The following NYNRIN variants were observed in gnomAD, a reference collection of about 807,000 sequenced individuals.
The protein encoded by NYNRIN is NYN domain and retroviral integrase containing.
Under a neutral mutation model 146.6 loss-of-function variants are expected in NYNRIN, and 86 were observed. The observed-to-expected ratio is 0.59, with a 90% CI of 0.49 to 0.70. The LOEUF (loss-of-function observed/expected upper bound fraction) is 0.70, where lower values mean the gene tolerates loss of function less well. NYNRIN is among the 30% of genes least tolerant of loss of function. The pLI is 0.00. For synonymous variants in NYNRIN, 1,027 were observed against 1,001.3 expected (o/e 1.03, Z -0.48); for missense variants, 2,191 against 2,377.7 (o/e 0.92, Z 1.63).
chr14:24,408,186 C>G lies in NYNRIN; in HGVS notation c.516C>G (p.Asp172Glu). 1 of 1,600,598 alleles carries G rather than the reference C, an allele frequency of 6.2e-7. No homozygotes were observed. The highest frequency in any genetic ancestry group is 8.5e-7 in the Non-Finnish European group (1 of 1,176,646). Residue 172 changes from aspartate (D) to glutamate (E), a missense_variant, in exon 3 of 9, where the codon GAC (aspartate) becomes GAG (glutamate). Coordinates refer to ENST00000382554, the MANE Select transcript of NYNRIN (RefSeq NM_025081.3). ...GGGCCCTGGTCTGGATCCGTGGTGA[C>G]CAGCATGCAGGGGACCTACTGCAGC... ...AFGALVWIRG[D>E]QHAGDLLQLP...
intron 2 of NYNRIN, 22 bp from the exon 3 acceptor site, chr14:24,407,847 G>A (rs1344601093): frequency 4.5e-6 from 7 of 1,572,414 alleles, no homozygotes; most frequent in African/African-American, 4.1e-5. Flanking sequence ...TGACTTCATT[G>A]TGTTCTCCCC....
chr14:24,408,085 G>A lies in NYNRIN; in HGVS notation c.415G>A (p.Gly139Arg). The A allele has an allele frequency of 6.2e-7, 1 of 1,613,442 alleles. No individual in the cohort carries two copies. Among genetic ancestry groups the A allele is most frequent in the Non-Finnish European group, 8.5e-7 (1 of 1,179,832 alleles). Residue 139 changes from glycine to arginine, a missense_variant, in exon 3 of 9, where the codon GGG (glycine) becomes AGG (arginine). This residue lies in a region of NYNRIN where 895 missense variants were observed against 941.2 expected (regional missense o/e 0.95). Transcript: ENST00000382554. ...MTQNWLEELV[G>R]RLRWGPAPLL... ...ACAGAACTGGCTGGAGGAGCTGGTG[G>A]GGCGACTGCGCTGGGGCCCTGCCCC...
In NYNRIN at chr14:24,408,678, T is replaced by C. The variant is rs572019723; in HGVS notation, c.884T>C (p.Met295Thr). 3.1e-6 allele frequency: 5 copies of C among 1,611,524 alleles called. No individual in the cohort carries two copies. The highest frequency in any genetic ancestry group is 2.2e-5 in the South Asian group (2 of 90,666). Residue 295 changes from methionine (M) to threonine (T), a missense_variant, in exon 4 of 9, where the codon ATG (methionine) becomes ACG (threonine). This residue lies in a region of NYNRIN where 895 missense variants were observed against 941.2 expected (regional missense o/e 0.95). Coordinates refer to ENST00000382554, the MANE Select transcript of NYNRIN (RefSeq NM_025081.3). Reference protein sequence around the residue: ...VRVGSNNQDGMDSAQEEGTVQ... With the variant: ...VRVGSNNQDGTDSAQEEGTVQ... ...GTCGGTTCCAACAACCAAGATGGTA[T>C]GGACAGTGCTCAAGAGGAAGGGACA...
At position 24,409,748 on chromosome 14, in the gene NYNRIN, A is replaced by G. The variant is rs796887667; in HGVS notation, c.1954A>G (p.Thr652Ala). ...CAAAGCTCAAGCCGGGCCTGCAGCT[A>G]CAGTTTCCAAAGCACCTGCAGCTTC... ...TPKAQAGPAATVSKAPAASKA... is the reference protein window; with the variant it reads ...TPKAQAGPAAAVSKAPAASKA... Residue 652 changes from threonine to alanine, a missense_variant, in exon 4 of 9, where the codon ACA becomes GCA. Thr to Ala is a moderately conservative substitution (Grantham distance 58). This residue lies in a region of NYNRIN where 895 missense variants were observed against 941.2 expected (regional missense o/e 0.95). Coordinates refer to ENST00000382554, the MANE Select transcript of NYNRIN (RefSeq NM_025081.3). The G allele has an allele frequency of 1.9e-6, 3 of 1,610,348 alleles. No homozygotes were observed. The highest frequency in any genetic ancestry group is 1.7e-6 in the Non-Finnish European group (2 of 1,178,314).
At chr14:24,406,054 G>T (rs12588750) in intron 2 of NYNRIN, among the ~76,000 whole-genome samples, 1 of 151,182 alleles carries the variant, frequency 6.6e-6, no homozygotes, top group Non-Finnish European at 1.5e-5. Context: ...CCCAGCTACT[G>T]GGGAGGCTAA....
At chr14:24,403,358 AT>A (rs1369306840) in intron 2 of NYNRIN, among the ~76,000 whole-genome samples, 1 of 151,818 alleles carries the variant, frequency 6.6e-6, no homozygotes, top group East Asian at 1.9e-4. Context: ...TTGGTTCTAA[AT>A]TTTTTCTTGG....
chr14:24,417,465 C>A lies in NYNRIN; in HGVS notation c.*19C>A, dbSNP rs1425262387. On this transcript the variant is annotated 3_prime_UTR_variant, in exon 9 of 9. Transcript: ENST00000382554. ...GCAGTGAGCGGGAGCAGCGGGGGTG[C>A]CCCCTGCCCCAGGGCCGTGGGTTTC... 2.1e-6 allele frequency: 3 copies of A among 1,450,128 alleles called. No individual in the cohort carries two copies. Among genetic ancestry groups the A allele is most frequent in the Non-Finnish European group, 2.7e-6 (3 of 1,102,598 alleles). The allele number at this position is 1,450,128 out of a possible 1,614,324, so 89.8% of individuals were successfully genotyped here.
chr14:24,410,276 C>A, intron 4 of NYNRIN, 68 bp downstream of exon 4: 1 of 1,323,714 alleles, frequency 7.6e-7, no homozygotes, highest in Non-Finnish European at 1.0e-6. Context: ...CCCTGGGGGA[C>A]AGAATGTGGG....
In NYNRIN at chr14:24,416,540, C is replaced by T. The variant is rs533737076; in HGVS notation, c.4791C>T (p.Ser1597=). Residue 1597 remains serine, a synonymous_variant, in exon 9 of 9, where the codon AGC becomes AGT. Coordinates refer to ENST00000382554, the MANE Select transcript of NYNRIN (RefSeq NM_025081.3). ...GCATCCCCCGAAATCTCATAGGCAGCGAGTTGAAGGTTATTGAGTCCCCAT... is the reference window on the plus strand; with the variant it reads ...GCATCCCCCGAAATCTCATAGGCAGTGAGTTGAAGGTTATTGAGTCCCCAT... ...LFCIPRNLIG[S]ELKVIESPWP... 9.3e-6 allele frequency: 15 copies of T among 1,613,762 alleles called. No homozygotes were observed. The highest frequency in any genetic ancestry group is 4.5e-5 in the East Asian group (2 of 44,890).
rs929300856 is a variant in NYNRIN at position 24,408,980 on chromosome 14, C to T, written c.1186C>T (p.Pro396Ser). The T allele has an allele frequency of 2.5e-6, 4 of 1,613,800 alleles. No homozygotes were observed. In the Admixed American group the frequency reaches 5.0e-5, roughly 20 times the overall value. Residue 396 changes from proline to serine, a missense_variant, in exon 4 of 9, where the codon CCT (proline) becomes TCT (serine). Physicochemically the swap from Pro to Ser is moderately conservative, Grantham distance 74. Around this residue, in one of 3 missense-constraint regions of NYNRIN, gnomAD observed 895 missense variants for 941.2 expected, o/e 0.95. Coordinates refer to ENST00000382554, the MANE Select transcript of NYNRIN (RefSeq NM_025081.3). ...CTTCAATTTCCCCTTCTGGCAGAGA[C>T]CTCTGGGCCCCATTCAGTTGAAGCT... ...ACFNFPFWQR[P>S]LGPIQLKLPG...
chr14:24,411,564 T>G lies in NYNRIN; in HGVS notation c.2642+114T>G. Reference sequence around the variant, plus strand: ...GAAATGGAGGCAAACATGTTGGGGGTGTCGGTTGTGCAGAGGGTGGGGTGG... The same window carrying G: ...GAAATGGAGGCAAACATGTTGGGGGGGTCGGTTGTGCAGAGGGTGGGGTGG... On this transcript the variant is annotated intron_variant, in intron 6 of 8. Coordinates refer to ENST00000382554, the MANE Select transcript of NYNRIN (RefSeq NM_025081.3). The surrounding 1 kb of genome is among the most constrained non-coding windows in gnomAD (Gnocchi z 4.3). 1 of 896,408 alleles carries G rather than the reference T, an allele frequency of 1.1e-6. No homozygotes were observed. Among genetic ancestry groups the G allele is most frequent in the Non-Finnish European group, 1.8e-6 (1 of 557,098 alleles). 55.5% of individuals were successfully genotyped at this position (896,408 alleles called of 1,614,324 possible).
Position 24,418,177 on chromosome 14 carries a change from G to GA in NYNRIN, c.*732dup, listed in dbSNP as rs561760262. 1,347 of 439,324 alleles carry GA rather than the reference G, an allele frequency of 3.1e-3. 28 individuals carry two copies. Among genetic ancestry groups the GA allele is most frequent in the South Asian group, 0.021 (1,309 of 62,416 alleles). The allele number at this position is 439,324 out of a possible 1,614,324, so 27.2% of individuals were successfully genotyped here. A position where few individuals can be genotyped will look rare whatever the true frequency, so the allele number is the denominator to read the frequency against. On this transcript the variant is annotated 3_prime_UTR_variant, in exon 9 of 9. Transcript: ENST00000382554. Reference sequence around the variant, plus strand: ...CTACCTCATTTGACTCCAGCCAATGGAGACAATTCCTGACCCCTGCTTTGA... The same window carrying GA: ...CTACCTCATTTGACTCCAGCCAATGGAAGACAATTCCTGACCCCTGCTTTGA...
chr14:24,401,509 A>C (rs1017766086), intron 2 of NYNRIN, among the ~76,000 whole-genome samples: 1 of 152,150 alleles, frequency 6.6e-6, no homozygotes, highest in Non-Finnish European at 1.5e-5. Context: ...AGTTACAACC[A>C]AGATAGGAGG....
In NYNRIN at chr14:24,408,267, G is replaced by A. The variant is rs2042888488; in HGVS notation, c.597G>A (p.Lys199=). 2.5e-6 allele frequency: 4 copies of A among 1,611,128 alleles called. No individual in the cohort carries two copies. The highest frequency in any genetic ancestry group is 3.4e-6 in the Non-Finnish European group (4 of 1,179,836). The part of the protein sequence containing the change: ...LLSLVRDAAG[K]EDIIEWLSRF... ...GCCTGGTGCGGGATGCTGCGGGCAA[G>A]GAAGACATCATCGAGTGGCTCAGCC... The change falls in exon 3 of 9, where the codon AAG becomes AAA. Residue 199 remains lysine (K), a synonymous_variant. Coordinates refer to ENST00000382554, the MANE Select transcript of NYNRIN (RefSeq NM_025081.3).
chr14:24,413,749 TG>T (rs1219600848), intron 8 of NYNRIN, among the ~76,000 whole-genome samples: 3 of 152,238 alleles, frequency 2.0e-5, no homozygotes, highest in Non-Finnish European at 4.4e-5. Flanking sequence ...TTCCATTACA[TG>T]AGTACCCAAT....
At chr14:24,399,533 C>G (rs1437113726) in intron 2 of NYNRIN, 89 bp downstream of exon 2, 2 of 1,188,008 alleles carry the variant, frequency 1.7e-6, no homozygotes, top group Non-Finnish European at 2.4e-6. Flanking sequence ...CGCAGAGACA[C>G]CACCCACCCT....
In NYNRIN at chr14:24,409,502, C is replaced by A. The variant is rs1380129203; in HGVS notation, c.1708C>A (p.Leu570Met). ...TCAAGTGCCATCTGCAGCTCCCAAA[C>A]TGCCTACATCTCGAATGATGCTGGC... ...RTQVPSAAPK[L>M]PTSRMMLAVH... The change falls in exon 4 of 9, where the codon CTG becomes ATG. Residue 570 changes from leucine to methionine, a missense_variant. By Grantham distance (15) the Leu-to-Met change is conservative. Transcript: ENST00000382554. 1 of 1,613,718 alleles carries A rather than the reference C, an allele frequency of 6.2e-7. No homozygotes were observed. The highest frequency in any genetic ancestry group is 1.3e-5 in the African/African-American group (1 of 75,064).
Position 24,411,928 on chromosome 14 carries a change from C to T in NYNRIN, c.2642+478C>T, listed in dbSNP as rs1319457517. Among the ~76,000 whole-genome samples the T allele has an allele frequency of 6.6e-6, 1 of 152,144 alleles. No homozygotes were observed. Among genetic ancestry groups the T allele is most frequent in the African/African-American group, 2.4e-5 (1 of 41,432 alleles). ...TGCCTAAACCCTGAATGCTTGCCTG[C>T]TTGTCAATCCTAAGCGCCCACCCCT... is the stretch of plus-strand genomic sequence containing the variant. On this transcript the variant is annotated intron_variant, in intron 6 of 8. Transcript: ENST00000382554. This position sits in a 1 kb window ranked among gnomAD's most constrained non-coding sequence, Gnocchi z 4.3.
chr14:24,405,638 C>T (rs911487426), intron 2 of NYNRIN, among the ~76,000 whole-genome samples: 9 of 152,170 alleles, frequency 5.9e-5, no homozygotes, highest in African/African-American at 1.2e-4. Context: ...TGAAGACCCC[C>T]GACTGTGGAG....
Sources: gnomAD v4.1 joint callset for allele counts (sites outside exome capture counted in the v4.1 genomes callset) on GRCh38, gnomAD v4.1.1 for gene constraint, gnomAD v4.1.1 regional missense constraint, Gnocchi (gnomAD v3.1) non-coding constraint, MANE v1.5 for transcripts, NCBI Gene and HGNC (gene_info 2026-07-23, HGNC 2026-07-21) for gene names.